The following SEMA3E variants were observed in gnomAD, a reference collection of about 807,000 sequenced individuals.
SEMA3E encodes semaphorin 3E, also known as semaphorin-3E.
Under a neutral mutation model 93.6 loss-of-function variants are expected in SEMA3E, and 49 were observed. The ratio of observed to expected loss-of-function variants is 0.52; its 90% CI spans 0.42 to 0.66. SEMA3E has a LOEUF of 0.66. Among genes scored for constraint, SEMA3E ranks in the 30% least tolerant of loss-of-function variants. The pLI is 0.00. For synonymous variants in SEMA3E, 363 were observed against 330.7 expected (o/e 1.10, Z -1.06); for missense variants, 906 against 964.8 (o/e 0.94, Z 0.81).
intron 1 of SEMA3E, among the ~76,000 whole-genome samples, chr7:83,633,229 T>C (rs1793820673): frequency 6.6e-6 from 1 of 152,164 alleles, no homozygotes; most frequent in Non-Finnish European, 1.5e-5. Context: ...TCTTCTTCTC[T>C]CTGACTTTCT....
rs186683817 is a variant in SEMA3E, at chr7:83,572,899, G to A, written c.115+75529C>T. Among the ~76,000 whole-genome samples the A allele has an allele frequency of 6.1e-3, 929 of 152,070 alleles. 9 individuals carry two copies. The highest frequency in any genetic ancestry group is 0.022 in the African/African-American group (893 of 41,494). On this transcript the variant is annotated intron_variant, in intron 1 of 16. Coordinates refer to ENST00000643230, the MANE Select transcript of SEMA3E (RefSeq NM_012431.3). ...AGATAGATTAAAGATTTAAATGTAA[G>A]ACCTCAAAGTATTAAATTACTAGAA... is the stretch of plus-strand genomic sequence containing the variant.
chr7:83,436,811 G>A (rs1046207380), intron 4 of SEMA3E, among the ~76,000 whole-genome samples: 2 of 152,166 alleles, frequency 1.3e-5, no homozygotes, highest in South Asian at 2.1e-4. Context: ...GTATAAGAAT[G>A]TATATCTATA....
intron 1 of SEMA3E, among the ~76,000 whole-genome samples, chr7:83,535,438 C>T (rs889548551): frequency 1.3e-5 from 2 of 150,742 alleles, no homozygotes; most frequent in African/African-American, 4.9e-5. Context: ...CATTCATTCA[C>T]TAAGGAGACA....
intron 16 of SEMA3E, among the ~76,000 whole-genome samples, chr7:83,376,159 A>C (rs1301926254): frequency 1.3e-5 from 2 of 152,042 alleles, no homozygotes; most frequent in African/African-American, 4.8e-5. Context: ...TAAAAACAAG[A>C]AAAACAAAGA....
chr7:83,390,089 A>G (rs151154818), intron 14 of SEMA3E, among the ~76,000 whole-genome samples: 8,633 of 108,116 alleles, frequency 0.08, 783 homozygotes, highest in Non-Finnish European at 0.086. Flanking sequence ...GTGTGCACAT[A>G]TATGCGCGTA....
At chr7:83,557,279 A>G (rs1167747258) in intron 1 of SEMA3E, among the ~76,000 whole-genome samples, 1 of 151,700 alleles carries the variant, frequency 6.6e-6, no homozygotes, top group African/African-American at 2.4e-5. Flanking sequence ...TTTTTACTGT[A>G]CAGATAAAAG....
At chr7:83,604,931 A>G (rs1793079555) in intron 1 of SEMA3E, among the ~76,000 whole-genome samples, 1 of 152,096 alleles carries the variant, frequency 6.6e-6, no homozygotes, top group African/African-American at 2.4e-5. Context: ...GATGGCTTTC[A>G]GTTTCATCCA....
chr7:83,388,622 C>G (rs1406558344), intron 14 of SEMA3E, among the ~76,000 whole-genome samples: 26 of 151,944 alleles, frequency 1.7e-4, no homozygotes, highest in East Asian at 1.9e-4. Flanking sequence ...GCATAGCTCC[C>G]AAAGTGACAA....
At chr7:83,412,548 T>G (rs1439315669) in intron 5 of SEMA3E, among the ~76,000 whole-genome samples, 1 of 151,772 alleles carries the variant, frequency 6.6e-6, no homozygotes, top group Admixed American at 6.6e-5. Context: ...ATGTTCAAGA[T>G]CAGCCTGGGC....
intron 1 of SEMA3E, among the ~76,000 whole-genome samples, chr7:83,624,961 A>T (rs1009440951): frequency 6.6e-6 from 1 of 152,066 alleles, no homozygotes; most frequent in Non-Finnish European, 1.5e-5. Context: ...AGTTTTCCCA[A>T]CACCATTTAT....
chr7:83,370,630 CTTT>C (rs1433743619), intron 16 of SEMA3E, among the ~76,000 whole-genome samples: 2 of 152,080 alleles, frequency 1.3e-5, no homozygotes, highest in Non-Finnish European at 2.9e-5. Flanking sequence ...TCAGATACTT[CTTT>C]AAGGCTGATT....
chr7:83,453,899 A>G (rs1789417856), intron 4 of SEMA3E, among the ~76,000 whole-genome samples: 1 of 151,322 alleles, frequency 6.6e-6, no homozygotes, highest in Non-Finnish European at 1.5e-5. Flanking sequence ...GCTATTACCC[A>G]CTCTAGATTT....
chr7:83,501,076 T>C (rs1790588525), intron 1 of SEMA3E, among the ~76,000 whole-genome samples: 1 of 152,230 alleles, frequency 6.6e-6, no homozygotes, highest in African/African-American at 2.4e-5. Context: ...TATACAATAT[T>C]TAAAACTTAA....
rs1794619293 is a variant in SEMA3E at position 83,363,768 on chromosome 7, T to C, written c.*3818A>G. 2 of 151,792 alleles carry C rather than the reference T, an allele frequency of 1.3e-5. No individual in the cohort carries two copies. Among genetic ancestry groups the C allele is most frequent in the Admixed American group, 6.6e-5 (1 of 15,246 alleles). 9.4% of individuals were successfully genotyped at this position (151,792 alleles called of 1,614,324 possible). On this transcript the variant is annotated 3_prime_UTR_variant, in exon 17 of 17. Coordinates refer to ENST00000643230, the MANE Select transcript of SEMA3E (RefSeq NM_012431.3). ...AAGAGTATGGACTTCTTATTATAAATGTTGCATTTTCTCTTGGAATCCAAA... is the reference window on the plus strand; with the variant it reads ...AAGAGTATGGACTTCTTATTATAAACGTTGCATTTTCTCTTGGAATCCAAA...
At chr7:83,499,031 T>C (rs1790546078) in intron 1 of SEMA3E, among the ~76,000 whole-genome samples, 1 of 73,802 alleles carries the variant, frequency 1.4e-5, no homozygotes, top group Admixed American at 1.4e-4. Flanking sequence ...TAAACCTTTT[T>C]CTTTACCTTT....
chr7:83,594,105 T>C (rs1792817765), intron 1 of SEMA3E, among the ~76,000 whole-genome samples: 1 of 152,154 alleles, frequency 6.6e-6, no homozygotes, highest in African/African-American at 2.4e-5. Context: ...ATTATGCCAA[T>C]ATGGAGAACT....
At chr7:83,457,712 A>G (rs1789516903) in intron 4 of SEMA3E, among the ~76,000 whole-genome samples, 1 of 152,080 alleles carries the variant, frequency 6.6e-6, no homozygotes, top group African/African-American at 2.4e-5. Context: ...AATATTATGA[A>G]TGTCTTGTCA....
At chr7:83,371,056 G>T (rs901765162) in intron 16 of SEMA3E, among the ~76,000 whole-genome samples, 4 of 152,126 alleles carry the variant, frequency 2.6e-5, no homozygotes, top group Non-Finnish European at 4.4e-5. Context: ...GGGATGTGGA[G>T]ATCAGCTCTT....
chr7:83,448,719 C>T (rs1789289505), intron 4 of SEMA3E, among the ~76,000 whole-genome samples: 1 of 152,114 alleles, frequency 6.6e-6, no homozygotes, highest in Non-Finnish European at 1.5e-5. Flanking sequence ...CTAAAGTAGA[C>T]TAATGTAGCT....
Sources: gnomAD v4.1 joint callset for allele counts (sites outside exome capture counted in the v4.1 genomes callset) on GRCh38, gnomAD v4.1.1 for gene constraint, MANE v1.5 for transcripts, NCBI Gene and HGNC (gene_info 2026-07-23, HGNC 2026-07-21) for gene names.